CRAMP1: variants seen among roughly 807,000 people sequenced by gnomAD.
The protein encoded by CRAMP1 is cramped chromatin regulator 1.
A neutral mutation model predicts 115.4 loss-of-function variants in CRAMP1; 50 were observed. That is an observed-to-expected ratio of 0.43 (90% CI 0.35 to 0.55). The LOEUF is 0.55. Ranked by LOEUF, CRAMP1 falls within the 20% of genes least tolerant of loss-of-function variation. CRAMP1 has a pLI of 0.01. For synonymous variants in CRAMP1, 866 were observed against 745.4 expected (o/e 1.16, Z -2.64); for missense variants, 1,679 against 1,721.7 (o/e 0.98, Z 0.44).
Position 1,656,621 on chromosome 16 carries a change from G to T in CRAMP1, c.1864G>T (p.Gly622Trp). The change falls in exon 10 of 21, where the codon GGG becomes TGG. Residue 622 changes from glycine to tryptophan, a missense_variant. Physicochemically the swap from Gly to Trp is radical, Grantham distance 184 (BLOSUM62 -2). Around this residue, in one of 8 missense-constraint regions of CRAMP1, gnomAD observed 405 missense variants for 302.6 expected, o/e 1.34. Transcript: ENST00000397412. This position sits in a 1 kb window ranked among gnomAD's most constrained non-coding sequence, Gnocchi z 5.6. ...PTGPSPRPGP[G>W]LLLDVCTKDL... ...TGGCCCATCCCCGAGGCCCGGCCCC[G>T]GGCTCCTGCTGGATGTTTGCACTAA... 6.3e-7 allele frequency: 1 copy of T among 1,575,888 alleles called. No homozygotes were observed. The highest frequency in any genetic ancestry group is 2.3e-5 in the East Asian group (1 of 42,624).
At chr16:1,659,676 C>T (rs1025702774) in intron 10 of CRAMP1, among the ~76,000 whole-genome samples, 7 of 152,172 alleles carry the variant, frequency 4.6e-5, no homozygotes, top group Admixed American at 1.3e-4. Flanking sequence ...CGTGAGCCAC[C>T]GCACCTGGCC....
chr16:1,616,476 T>C (rs2036421063), intron 2 of CRAMP1, among the ~76,000 whole-genome samples: 1 of 152,230 alleles, frequency 6.6e-6, no homozygotes, highest in Non-Finnish European at 1.5e-5. Flanking sequence ...AATGAAATAG[T>C]GCATTGGTGT....
rs375551917 is a variant in CRAMP1, at chr16:1,655,122, T to G, written c.1038-97T>G. On this transcript the variant is annotated intron_variant, in intron 8 of 20. Coordinates refer to ENST00000397412, the MANE Select transcript of CRAMP1 (RefSeq NM_020825.4). ...TGCCTCTCCAGAGGTCCCTTGTCTC[T>G]TTTGGCACCCTCCTGCTGTAAGCAG... 2.5e-4 allele frequency: 278 copies of G among 1,105,256 alleles called. No individual in the cohort carries two copies. The African/African-American group carries it at 3.8e-3, about 15-fold the overall frequency. The allele number at this position is 1,105,256 out of a possible 1,614,324, so 68.5% of individuals were successfully genotyped here. A position where few individuals can be genotyped will look rare whatever the true frequency, so the allele number is the denominator to read the frequency against.
chr16:1,635,355 T>C (rs553779715), intron 4 of CRAMP1, among the ~76,000 whole-genome samples: 1 of 152,318 alleles, frequency 6.6e-6, no homozygotes, highest in East Asian at 1.9e-4. Flanking sequence ...GTCTTACTAA[T>C]CTCCCGTGGT....
chr16:1,669,119 G>A lies in CRAMP1; in HGVS notation c.3453G>A (p.Gln1151=). The change falls in exon 19 of 21, where the codon CAG becomes CAA. Residue 1151 remains glutamine (Q), a synonymous_variant. Coordinates refer to ENST00000397412, the MANE Select transcript of CRAMP1 (RefSeq NM_020825.4). This position sits in a 1 kb window ranked among gnomAD's most constrained non-coding sequence, Gnocchi z 4.6. ...TCGCCTCTCCCACCCACGACCCCCA[G>A]TGGTACCCCAGTGACTCCACCGACT... ...HWIASPTHDP[Q]WYPSDSTDSS... is the part of the protein sequence containing the mutation. 6.2e-7 allele frequency: 1 copy of A among 1,610,322 alleles called. No individual in the cohort carries two copies. The highest frequency in any genetic ancestry group is 1.1e-5 in the South Asian group (1 of 90,288).
At chr16:1,651,485 TC>T (rs1807109247) in intron 6 of CRAMP1, among the ~76,000 whole-genome samples, 1 of 143,336 alleles carries the variant, frequency 7.0e-6, no homozygotes, top group South Asian at 2.3e-4. Context: ...ACACAGGTCA[TC>T]TAGAGGTGGA....
chr16:1,670,396 G>A (rs1326173282), intron 19 of CRAMP1: 4 of 395,840 alleles, frequency 1.0e-5, no homozygotes, highest in Admixed American at 4.2e-5. Flanking sequence ...GTGGGAGACC[G>A]TGATGGGGGT....
At chr16:1,615,040 G>C (rs1191592124) in intron 2 of CRAMP1, 55 bp downstream of exon 2, 3 of 1,080,578 alleles carry the variant, frequency 2.8e-6, no homozygotes, top group Non-Finnish European at 3.5e-6. Flanking sequence ...GTGTGCCGCG[G>C]GGGAGAGGAA....
chr16:1,617,381 T>TA (rs1487576970), intron 2 of CRAMP1, among the ~76,000 whole-genome samples: 1 of 152,210 alleles, frequency 6.6e-6, no homozygotes, highest in Non-Finnish European at 1.5e-5. Context: ...TTGCTTCCAT[T>TA]ACCCGTCAGA....
chr16:1,656,279 G>GCTCCTGACAGGC lies in CRAMP1; in HGVS notation c.1528_1539dup (p.Asp510_Pro513dup). 6.2e-7 allele frequency: 1 copy of GCTCCTGACAGGC among 1,611,750 alleles called. No individual in the cohort carries two copies. ...TGCCCTAAGCTTGAGCAGCCCGGAC[G>GCTCCTGACAGGC]CTCCTGACAGGCCTCCTCCCAGGCA... On this transcript the variant is annotated inframe_insertion, in exon 10 of 21. Transcript: ENST00000397412. This position sits in a 1 kb window ranked among gnomAD's most constrained non-coding sequence, Gnocchi z 5.6.
chr16:1,658,501 C>T (rs1257119065), intron 10 of CRAMP1, among the ~76,000 whole-genome samples: 1 of 152,182 alleles, frequency 6.6e-6, no homozygotes, highest in African/African-American at 2.4e-5. Flanking sequence ...CATGGAAAGG[C>T]ATCCCCATCC....
chr16:1,619,574 TA>T (rs2036449400), intron 2 of CRAMP1, among the ~76,000 whole-genome samples: 1 of 152,192 alleles, frequency 6.6e-6, no homozygotes, highest in African/African-American at 2.4e-5. Context: ...TATCTTGCAA[TA>T]CCTACAGGAT....
Position 1,614,618 on chromosome 16 carries a change from C to T in CRAMP1, c.-1-21C>T. On this transcript the variant is annotated intron_variant, in intron 1 of 20. Coordinates refer to ENST00000397412, the MANE Select transcript of CRAMP1 (RefSeq NM_020825.4). The surrounding 1 kb of genome is among the most constrained non-coding windows in gnomAD (Gnocchi z 4.4). ...CGGCCTGCGCCCGCCTCACCGGCCG[C>T]CTCCCCTCTCCCGGCCGCAGGATGA... 1 of 1,227,626 alleles carries T rather than the reference C, an allele frequency of 8.1e-7. No individual in the cohort carries two copies. Among genetic ancestry groups the T allele is most frequent in the Non-Finnish European group, 1.0e-6 (1 of 980,040 alleles). The allele number at this position is 1,227,626 out of a possible 1,614,324, so 76.0% of individuals were successfully genotyped here. A position where few individuals can be genotyped will look rare whatever the true frequency, so the allele number is the denominator to read the frequency against.
intron 6 of CRAMP1, among the ~76,000 whole-genome samples, chr16:1,642,615 C>A (rs1459829376): frequency 6.6e-6 from 1 of 152,226 alleles, no homozygotes. Context: ...CAGTATCTGG[C>A]TTATCCTGAG....
chr16:1,654,931 C>T (rs978059624), intron 8 of CRAMP1, among the ~76,000 whole-genome samples: 3 of 152,376 alleles, frequency 2.0e-5, no homozygotes, highest in Middle Eastern at 3.4e-3. Context: ...AGAGGCTGTG[C>T]GCCAGCACCC....
At position 1,656,762 on chromosome 16, in the gene CRAMP1, C is replaced by G; in HGVS notation, c.2005C>G (p.Leu669Val). 6.5e-7 allele frequency: 1 copy of G among 1,548,090 alleles called. No individual in the cohort carries two copies. The highest frequency in any genetic ancestry group is 1.2e-5 in the South Asian group (1 of 83,944). The change falls in exon 10 of 21, where the codon CTG becomes GTG. Residue 669 changes from leucine to valine, a missense_variant. Physicochemically the swap from Leu to Val is conservative, Grantham distance 32. Coordinates refer to ENST00000397412, the MANE Select transcript of CRAMP1 (RefSeq NM_020825.4). The surrounding 1 kb of genome is among the most constrained non-coding windows in gnomAD (Gnocchi z 5.6). ...CCCGAAGGAGGTCCCCGCCAGCCGG[C>G]TGGCTCAGCAGCTCCGTGAGGAGGG... The part of the protein sequence containing the change: ...RPPKEVPASR[L>V]AQQLREEGWN...
chr16:1,614,369 C>A lies in CRAMP1; in HGVS notation c.-1-270C>A, dbSNP rs1423083133. 7.0e-6 allele frequency among the ~76,000 whole-genome samples: 1 copy of A among 142,924 alleles called. No homozygotes were observed. The highest frequency in any genetic ancestry group is 2.5e-5 in the African/African-American group (1 of 39,980). The allele number at this position is 142,924 out of a possible 152,430, so 93.8% of individuals were successfully genotyped here. A position where few individuals can be genotyped will look rare whatever the true frequency, so the allele number is the denominator to read the frequency against. On this transcript the variant is annotated intron_variant, in intron 1 of 20. Coordinates refer to ENST00000397412, the MANE Select transcript of CRAMP1 (RefSeq NM_020825.4). This position sits in a 1 kb window ranked among gnomAD's most constrained non-coding sequence, Gnocchi z 4.4. ...GGTCCGCCGAGCTGTCGCGCCCTCC[C>A]GCCGCCGGCCCGGGCGTCTGGACGC...
intron 2 of CRAMP1, among the ~76,000 whole-genome samples, chr16:1,619,267 G>A (rs1272014978): frequency 1.3e-5 from 2 of 152,130 alleles, no homozygotes; most frequent in Non-Finnish European, 2.9e-5. Context: ...TGCAATCTCC[G>A]CCTCACAGGT....
At position 1,655,968 on chromosome 16, in the gene CRAMP1, G is replaced by A; in HGVS notation, c.1211G>A (p.Cys404Tyr). 1 of 1,613,124 alleles carries A rather than the reference G, an allele frequency of 6.2e-7. No homozygotes were observed. ...CTGCACTTGTTCCCAGGCGAGAACT[G>A]TACACTGACACCGCTGCCGGGCGTG... ...VTLHLFPGEN[C>Y]TLTPLPGVAR... The change falls in exon 10 of 21, where the codon TGT (cysteine) becomes TAT (tyrosine). Residue 404 changes from cysteine to tyrosine, a missense_variant. Around this residue, in one of 8 missense-constraint regions of CRAMP1, gnomAD observed 191 missense variants for 236.2 expected, o/e 0.81. Coordinates refer to ENST00000397412, the MANE Select transcript of CRAMP1 (RefSeq NM_020825.4).
Sources: allele counts gnomAD v4.1 joint callset (sites outside exome capture counted in the v4.1 genomes callset), GRCh38; gene constraint gnomAD v4.1.1; regional missense constraint gnomAD v4.1.1; non-coding constraint Gnocchi (gnomAD v3.1); transcripts MANE v1.5; gene names NCBI Gene and HGNC (gene_info 2026-07-23, HGNC 2026-07-21).